Variants in PPFIA3 observed in about 807,000 individuals in gnomAD.
The protein encoded by PPFIA3 is liprin-alpha-3.
Under a neutral mutation model 145.8 loss-of-function variants are expected in PPFIA3, and 26 were observed. The observed-to-expected ratio is 0.18, with a 90% CI of 0.13 to 0.25. The LOEUF is 0.25. Among genes scored for constraint, PPFIA3 ranks in the 10% least tolerant of loss-of-function variants. The pLI is 1.00. For synonymous variants in PPFIA3, 645 were observed against 661.4 expected (o/e 0.98, Z 0.38); for missense variants, 1,008 against 1,587.8 (o/e 0.63, Z 6.21).
chr19:49,142,088 C>T lies in PPFIA3; in HGVS notation c.2517C>T (p.Asp839=), dbSNP rs1390927649. 8 of 1,576,510 alleles carry T rather than the reference C, an allele frequency of 5.1e-6. No individual in the cohort carries two copies. The highest frequency in any genetic ancestry group is 2.3e-5 in the South Asian group (2 of 85,748). The change falls in exon 20 of 30, where the codon GAC becomes GAT. Residue 839 remains aspartate (D), a synonymous_variant. Transcript: ENST00000334186. ...CRQGLPFAAW[D]GPTVVSWLEL... ...AGGGCCTACCTTTTGCTGCCTGGGACGGGCCCACCGTGGTGTCCTGGCTGG... is the reference window on the plus strand; with the variant it reads ...AGGGCCTACCTTTTGCTGCCTGGGATGGGCCCACCGTGGTGTCCTGGCTGG...
chr19:49,148,544 A>G (rs2041305489), intron 24 of PPFIA3, 122 bp from the exon 25 acceptor site: 2 of 840,990 alleles, frequency 2.4e-6, no homozygotes, highest in Non-Finnish European at 3.8e-6. Context: ...TCAACAGTCA[A>G]TAGAACTTAT....
At position 49,134,664 on chromosome 19, in the gene PPFIA3, A is replaced by G. The variant is rs773093182; in HGVS notation, c.1403A>G (p.Asn468Ser). ...EKNSLSEEIA[N>S]MKKLQDELLL... is the part of the protein sequence containing the mutation. ...AACTCCCTGAGCGAGGAGATAGCCA[A>G]CATGAAGAAGCTTCAGGATGAGTTG... The change falls in exon 12 of 30, where the codon AAC becomes AGC. Residue 468 changes from asparagine (N) to serine (S), a missense_variant. By Grantham distance (46) the Asn-to-Ser change is conservative (BLOSUM62 1). This residue lies in a region of PPFIA3 where 21 missense variants were observed against 46.4 expected (regional missense o/e 0.45). Coordinates refer to ENST00000334186, the MANE Select transcript of PPFIA3 (RefSeq NM_003660.4). The G allele has an allele frequency of 5.1e-5, 83 of 1,614,010 alleles. No homozygotes were observed. The highest frequency in any genetic ancestry group is 6.9e-5 in the Non-Finnish European group (81 of 1,180,004).
intron 1 of PPFIA3, among the ~76,000 whole-genome samples, chr19:49,126,164 G>A (rs1013436588): frequency 1.3e-5 from 2 of 151,904 alleles, no homozygotes; most frequent in African/African-American, 4.8e-5. Flanking sequence ...TGGCCAGGCT[G>A]GGCTCAATCT....
intron 4 of PPFIA3, 137 bp downstream of exon 4, chr19:49,129,149 C>A: frequency 9.3e-7 from 1 of 1,074,262 alleles, no homozygotes; most frequent in Non-Finnish European, 1.3e-6. Context: ...TTGATTGGGA[C>A]AGGATACATA....
chr19:49,130,165 C>T lies in PPFIA3; in HGVS notation c.657+98C>T, dbSNP rs930084751. The T allele has an allele frequency of 1.9e-5, 25 of 1,325,342 alleles. No individual in the cohort carries two copies. The highest frequency in any genetic ancestry group is 2.8e-5 in the South Asian group (2 of 72,112). 82.1% of individuals were successfully genotyped at this position (1,325,342 alleles called of 1,614,324 possible). On this transcript the variant is annotated intron_variant, in intron 6 of 29. Transcript: ENST00000334186. This position sits in a 1 kb window ranked among gnomAD's most constrained non-coding sequence, Gnocchi z 4.5. ...GGTATCATCCTCACTGGCCCTAAGACGGCTGCACCTGTAAGAGTGTCACAG... is the reference window on the plus strand; with the variant it reads ...GGTATCATCCTCACTGGCCCTAAGATGGCTGCACCTGTAAGAGTGTCACAG...
chr19:49,138,137 G>C, intron 15 of PPFIA3, 68 bp from the exon 16 acceptor site: 1 of 1,460,052 alleles, frequency 6.8e-7, no homozygotes, highest in Non-Finnish European at 9.1e-7. Context: ...GGCCCATTGT[G>C]CTCCCAGATT....
chr19:49,148,862 A>G, intron 25 of PPFIA3, 99 bp downstream of exon 25: 3 of 1,468,604 alleles, frequency 2.0e-6, no homozygotes, highest in Non-Finnish European at 9.1e-7. Flanking sequence ...GCAAATTGGC[A>G]CCATAACCGT....
At chr19:49,132,390 C>CAAAAAAAAAAAAAAAAAA (rs11351172) in intron 7 of PPFIA3, among the ~76,000 whole-genome samples, 1 of 43,650 alleles carries the variant, frequency 2.3e-5, no homozygotes, top group African/African-American at 1.0e-4. Flanking sequence ...CTCTCTCTCT[C>CAAAAAAAAAAAAAAAAAA]AAAAAAAAAA....
chr19:49,144,141 G>T lies in PPFIA3; in HGVS notation c.2745+1137G>T, dbSNP rs367822987. Among the ~76,000 whole-genome samples, 48 of 152,064 alleles carry T rather than the reference G, an allele frequency of 3.2e-4. No homozygotes were observed. In the East Asian group the frequency reaches 8.4e-3, roughly 26 times the overall value. ...ATCCTCTGCCTCAACCTTCCGAGTA[G>T]CTGGGATTATAGGCGCCCACCACCA... On this transcript the variant is annotated intron_variant, in intron 21 of 29. Transcript: ENST00000334186.
chr19:49,128,167 G>T lies in PPFIA3; in HGVS notation c.240+54G>T. 1 of 1,474,946 alleles carries T rather than the reference G, an allele frequency of 6.8e-7. No individual in the cohort carries two copies. Among genetic ancestry groups the T allele is most frequent in the South Asian group, 1.3e-5 (1 of 74,660 alleles). 91.4% of individuals were successfully genotyped at this position (1,474,946 alleles called of 1,614,324 possible). A position where few individuals can be genotyped will look rare whatever the true frequency, so the allele number is the denominator to read the frequency against. On this transcript the variant is annotated intron_variant, in intron 2 of 29. Transcript: ENST00000334186. This position sits in a 1 kb window ranked among gnomAD's most constrained non-coding sequence, Gnocchi z 4.1. ...GGGGGCGGGGCCTCGGGGGGAAGAA[G>T]GCGGTCCGGAAGGGGCCGGGCTTGG... is the stretch of plus-strand genomic sequence containing the variant.
At chr19:49,137,142 A>T in intron 15 of PPFIA3, 1 of 397,974 alleles carries the variant, frequency 2.5e-6, no homozygotes, top group Non-Finnish European at 4.4e-6. Context: ...ATTCCCCAAC[A>T]CACCAAAGCC....
intron 16 of PPFIA3, among the ~76,000 whole-genome samples, chr19:49,139,060 T>G (rs2041176978): frequency 1.3e-5 from 2 of 152,112 alleles, no homozygotes; most frequent in Admixed American, 1.3e-4. Context: ...AAAGAGATAT[T>G]GGCCCTATTT....
intron 13 of PPFIA3, 22 bp from the exon 14 acceptor site, chr19:49,135,757 A>G: frequency 1.3e-6 from 2 of 1,593,108 alleles, no homozygotes; most frequent in Non-Finnish European, 1.7e-6. Flanking sequence ...TTGGTCTCTG[A>G]CTGCTTTCCT....
chr19:49,138,321 C>T lies in PPFIA3; in HGVS notation c.1970C>T (p.Pro657Leu), dbSNP rs1296984041. The T allele has an allele frequency of 1.2e-6, 2 of 1,612,832 alleles. No homozygotes were observed. Among genetic ancestry groups the T allele is most frequent in the Non-Finnish European group, 1.7e-6 (2 of 1,179,642 alleles). Residue 657 changes from proline to leucine, a missense_variant, in exon 16 of 30, where the codon CCC (proline) becomes CTC (leucine). Physicochemically the swap from Pro to Leu is moderately conservative, Grantham distance 98 (BLOSUM62 -3). Transcript: ENST00000334186. ...TACCGCAGCAGCTGCTCCCTGCCCC[C>T]CTCCCTCACCACCTCTACCCTTGCC... is the stretch of plus-strand genomic sequence containing the variant. ...GRYRSSCSLP[P>L]SLTTSTLASP...
intron 7 of PPFIA3, 90 bp from the exon 8 acceptor site, chr19:49,132,911 C>A (rs1288818356): frequency 2.0e-6 from 3 of 1,516,962 alleles, no homozygotes; most frequent in Non-Finnish European, 2.7e-6. Flanking sequence ...ACTCCCATGT[C>A]AGGGCACTTT....
At chr19:49,146,913 G>A (rs571996347) in intron 23 of PPFIA3, among the ~76,000 whole-genome samples, 1 of 151,982 alleles carries the variant, frequency 6.6e-6, no homozygotes, top group Non-Finnish European at 1.5e-5. Flanking sequence ...CTGGGTGATA[G>A]AGCCAGATTC....
At position 49,141,946 on chromosome 19, in the gene PPFIA3, T is replaced by TGC. The variant is rs2041229392; in HGVS notation, c.2463-87_2463-86insCG. The TGC allele has an allele frequency of 4.3e-6, 4 of 920,040 alleles. No homozygotes were observed. In the African/African-American group the frequency reaches 6.7e-5, roughly 15 times the overall value. The allele number at this position is 920,040 out of a possible 1,614,324, so 57.0% of individuals were successfully genotyped here. A position where few individuals can be genotyped will look rare whatever the true frequency, so the allele number is the denominator to read the frequency against. ...GCGTGTGCGTATGTGCATGTGTGTG[T>TGC]GTGTGTATGTGTGCTGATGGGGGCC... On this transcript the variant is annotated intron_variant, in intron 19 of 29. Transcript: ENST00000334186.
chr19:49,136,047 C>A, intron 14 of PPFIA3, 124 bp downstream of exon 14: 1 of 1,137,778 alleles, frequency 8.8e-7, no homozygotes, highest in Non-Finnish European at 1.2e-6. Context: ...TTGGACTCAT[C>A]CACTCACCCT....
intron 1 of PPFIA3, chr19:49,125,242 C>CGGCCCTCA (rs1392042519): frequency 6.6e-6 from 1 of 152,468 alleles, no homozygotes; most frequent in Non-Finnish European, 1.5e-5. Flanking sequence ...CCAGGGCCCA[C>CGGCCCTCA]GGCCCTCAGG....
Sources: allele counts gnomAD v4.1 joint callset (sites outside exome capture counted in the v4.1 genomes callset), GRCh38; gene constraint gnomAD v4.1.1; regional missense constraint gnomAD v4.1.1; non-coding constraint Gnocchi (gnomAD v3.1); transcripts MANE v1.5; gene names NCBI Gene and HGNC (gene_info 2026-07-23, HGNC 2026-07-21).